The following PCSK2 variants were observed in gnomAD, a reference collection of about 807,000 sequenced individuals.
The protein encoded by PCSK2 is neuroendocrine convertase 2.
In PCSK2, 14 loss-of-function variants were observed where a neutral mutation model predicts 69.7. The observed-to-expected ratio is 0.20, with a 90% CI of 0.13 to 0.31. The LOEUF (loss-of-function observed/expected upper bound fraction) is 0.31. Among genes scored for constraint, PCSK2 ranks in the 10% least tolerant of loss-of-function variants. The probability of loss-of-function intolerance (pLI) is 1.00; values close to 1 mark genes in which losing one functional copy is unlikely to be tolerated. For synonymous variants in PCSK2, 307 were observed against 320.7 expected, an observed-to-expected ratio of 0.96 and a Z score of 0.46; for missense variants, 544 against 842.5, an observed-to-expected ratio of 0.65 and a Z score of 4.39.
intron 1 of PCSK2, among the ~76,000 whole-genome samples, chr20:17,252,366 CTGAT>C (rs1034813979): frequency 3.9e-5 from 6 of 152,238 alleles, no homozygotes; most frequent in African/African-American, 1.4e-4. Context: ...AAGTATCCCT[CTGAT>C]TGAAATAACC....
intron 5 of PCSK2, among the ~76,000 whole-genome samples, chr20:17,370,414 T>G (rs2030724883): frequency 6.6e-6 from 1 of 152,210 alleles, no homozygotes; most frequent in African/African-American, 2.4e-5. Context: ...CAAGGGATCT[T>G]ATAAATCTAG....
intron 1 of PCSK2, among the ~76,000 whole-genome samples, chr20:17,256,839 T>A (rs1447842975): frequency 6.6e-6 from 1 of 152,146 alleles, no homozygotes; most frequent in Non-Finnish European, 1.5e-5. Context: ...TTCTCATTGT[T>A]CAACTCCCAC....
At chr20:17,454,805 C>A (rs924778228) in intron 9 of PCSK2, among the ~76,000 whole-genome samples, 10 of 152,146 alleles carry the variant, frequency 6.6e-5, no homozygotes, top group African/African-American at 1.9e-4. Context: ...GAGCTCAGGA[C>A]AAAATCATTA....
intron 2 of PCSK2, among the ~76,000 whole-genome samples, chr20:17,284,196 T>G (rs772273921): frequency 1.3e-5 from 2 of 152,172 alleles, no homozygotes; most frequent in Non-Finnish European, 2.9e-5. Context: ...TTGTTCCCAC[T>G]AAATGGAGAG....
At chr20:17,298,017 A>T (rs1488971072) in intron 2 of PCSK2, among the ~76,000 whole-genome samples, 2 of 152,038 alleles carry the variant, frequency 1.3e-5, no homozygotes, top group Non-Finnish European at 2.9e-5. Context: ...CCTTTATTTT[A>T]TGCATTATAT....
chr20:17,453,965 C>A lies in PCSK2; in HGVS notation c.1101+8C>A. 6.2e-7 allele frequency: 1 copy of A among 1,614,012 alleles called. No individual in the cohort carries two copies. The highest frequency in any genetic ancestry group is 8.5e-7 in the Non-Finnish European group (1 of 1,179,980). ...AACCCCGAGGCCGGTGTGGTGAGCA[C>A]GTCCCCTTCTGTCCTTGTTTCCTTA... On this transcript the variant is annotated splice_region_variant and intron_variant, in intron 9 of 11. Coordinates refer to ENST00000262545, the MANE Select transcript of PCSK2 (RefSeq NM_002594.5). This position sits in a 1 kb window ranked among gnomAD's most constrained non-coding sequence, Gnocchi z 4.0.
intron 2 of PCSK2, among the ~76,000 whole-genome samples, chr20:17,338,173 G>A (rs1305259263): frequency 7.1e-6 from 1 of 140,900 alleles, no homozygotes; most frequent in Non-Finnish European, 1.5e-5. Flanking sequence ...ATTTTTTTTG[G>A]GGGGGGGGGT....
intron 5 of PCSK2, among the ~76,000 whole-genome samples, chr20:17,385,151 T>G (rs1017278138): frequency 6.6e-6 from 1 of 152,210 alleles, no homozygotes; most frequent in Admixed American, 6.5e-5. Context: ...AAAGTCCATA[T>G]GGCCTGCAAA....
chr20:17,371,313 G>C (rs375036020), intron 5 of PCSK2, among the ~76,000 whole-genome samples: 1 of 152,138 alleles, frequency 6.6e-6, no homozygotes, highest in Non-Finnish European at 1.5e-5. Context: ...TCATTCATTG[G>C]GGGCAAGAAT....
intron 1 of PCSK2, among the ~76,000 whole-genome samples, chr20:17,251,107 G>T (rs1266578400): frequency 4.6e-5 from 7 of 151,508 alleles, no homozygotes. Context: ...AAAATTAAAA[G>T]TAAAAAAAAA....
intron 1 of PCSK2, among the ~76,000 whole-genome samples, chr20:17,257,670 C>T (rs747609765): frequency 1.3e-5 from 2 of 152,074 alleles, no homozygotes; most frequent in Admixed American, 6.5e-5. Context: ...TTGTGTATAT[C>T]GGGACATATC....
chr20:17,331,632 C>CT (rs1990208864), intron 2 of PCSK2, among the ~76,000 whole-genome samples: 1 of 152,118 alleles, frequency 6.6e-6, no homozygotes. Context: ...AAAAACAGAT[C>CT]TTGGGGCACT....
intron 11 of PCSK2, among the ~76,000 whole-genome samples, chr20:17,474,638 G>A (rs2033261533): frequency 6.6e-6 from 1 of 152,062 alleles, no homozygotes; most frequent in Admixed American, 6.6e-5. Context: ...GGGGCTCCTG[G>A]GAGAAACAGA....
At chr20:17,226,830 A>T (rs188072134), upstream of PCSK2, among the ~76,000 whole-genome samples, 532 of 127,248 alleles carry the variant, frequency 4.2e-3, 3 homozygotes, top group African/African-American at 0.014. Flanking sequence ...CTGCGCCCCC[A>T]GAAGGCGGAG....
chr20:17,321,923 T>G (rs1989880082), intron 2 of PCSK2, among the ~76,000 whole-genome samples: 1 of 151,976 alleles, frequency 6.6e-6, no homozygotes, highest in East Asian at 1.9e-4. Flanking sequence ...GGAAGAAAAA[T>G]AAAAATTATC....
At chr20:17,302,741 CA>C (rs1187376464) in intron 2 of PCSK2, among the ~76,000 whole-genome samples, 1 of 152,110 alleles carries the variant, frequency 6.6e-6, no homozygotes. Flanking sequence ...CCCCAGTCAT[CA>C]GAAAAGCTTT....
intron 2 of PCSK2, among the ~76,000 whole-genome samples, chr20:17,274,266 G>C (rs1987972849): frequency 6.6e-6 from 1 of 152,240 alleles, no homozygotes; most frequent in East Asian, 1.9e-4. Flanking sequence ...TGGCTATTGA[G>C]AAAGGGTGGG....
At chr20:17,481,388 C>CAAAAAAAAAAAAAAAAAA (rs3076146) in intron 11 of PCSK2, among the ~76,000 whole-genome samples, 196 bp from the exon 12 acceptor site, 1 of 65,724 alleles carries the variant, frequency 1.5e-5, no homozygotes, top group African/African-American at 7.6e-5. Context: ...TCTCAAAAGA[C>CAAAAAAAAAAAAAAAAAA]AAAAAAAAAA....
intron 1 of PCSK2, among the ~76,000 whole-genome samples, chr20:17,259,272 T>G (rs1600418556): frequency 6.6e-6 from 1 of 152,212 alleles, no homozygotes; most frequent in Admixed American, 6.5e-5. Context: ...CCAAAAAAAG[T>G]ACATATTTAC....
Sources: allele counts gnomAD v4.1 joint callset (sites outside exome capture counted in the v4.1 genomes callset), GRCh38; gene constraint gnomAD v4.1.1; non-coding constraint Gnocchi (gnomAD v3.1); transcripts MANE v1.5; gene names NCBI Gene and HGNC (gene_info 2026-07-23, HGNC 2026-07-21).